Variants in CRPPA observed in about 807,000 individuals in gnomAD.
CRPPA encodes the protein D-ribitol-5-phosphate cytidylyltransferase.
In CRPPA, 43 loss-of-function variants were observed where a neutral mutation model predicts 52.0. That is an observed-to-expected ratio of 0.83 (90% CI 0.65 to 1.07). The LOEUF (loss-of-function observed/expected upper bound fraction) is 1.07. CRPPA is among the 50% of genes least tolerant of loss of function. CRPPA has a pLI of 0.00. For synonymous variants in CRPPA, 250 were observed against 203.5 expected, an observed-to-expected ratio of 1.23 and a Z score of -1.94; for missense variants, 629 against 551.7, an observed-to-expected ratio of 1.14 and a Z score of -1.40.
intron 3 of CRPPA, among the ~76,000 whole-genome samples, chr7:16,326,302 G>A (rs1583521071): frequency 6.6e-6 from 1 of 152,054 alleles, no homozygotes; most frequent in Admixed American, 6.5e-5. Flanking sequence ...ACAAAGACAG[G>A]GGAAAAAATA....
intron 2 of CRPPA, among the ~76,000 whole-genome samples, chr7:16,393,379 G>C (rs1240766675): frequency 3.9e-5 from 6 of 152,086 alleles, no homozygotes; most frequent in Non-Finnish European, 7.4e-5. Context: ...TAGTGACTAA[G>C]ACAGGGTACG....
chr7:16,215,267 G>A (rs938254380), intron 9 of CRPPA, among the ~76,000 whole-genome samples: 3 of 152,132 alleles, frequency 2.0e-5, no homozygotes, highest in African/African-American at 7.2e-5. Flanking sequence ...CGTTCAACTT[G>A]CTAGACTCTT....
At chr7:16,257,180 T>A (rs62440449) in intron 8 of CRPPA, among the ~76,000 whole-genome samples, 64,912 of 151,956 alleles carry the variant, frequency 0.43, 14,346 homozygotes, top group Admixed American at 0.55. Context: ...ATTAAGTAAC[T>A]AGACCAAGAA....
At chr7:16,215,763 A>G (rs1782287314) in intron 9 of CRPPA, among the ~76,000 whole-genome samples, 1 of 152,238 alleles carries the variant, frequency 6.6e-6, no homozygotes, top group Non-Finnish European at 1.5e-5. Flanking sequence ...AAAGTATTAT[A>G]TATTTGAAAT....
intron 8 of CRPPA, among the ~76,000 whole-genome samples, chr7:16,247,429 A>G (rs1256478006): frequency 6.6e-6 from 1 of 152,218 alleles, no homozygotes; most frequent in Non-Finnish European, 1.5e-5. Context: ...AGATGAGGAA[A>G]ACAGTCAAAA....
rs747967711 is a variant in CRPPA, at chr7:16,216,083, G to C, written c.1234C>G (p.Leu412Val). ...KERNILLYGLLISYPQDDQKL... is the reference protein window; with the variant it reads ...KERNILLYGLVISYPQDDQKL... Reference sequence around the variant, plus strand: ...TTACCTACCTGTGGGTAAGATATGAGAAGCCCATATAACAAAATATTTCTT... The same window carrying C: ...TTACCTACCTGTGGGTAAGATATGACAAGCCCATATAACAAAATATTTCTT... Residue 412 changes from leucine to valine, a missense_variant, in exon 9 of 10, where the codon CTC becomes GTC. Transcript: ENST00000407010. The C allele has an allele frequency of 1.3e-5, 21 of 1,595,084 alleles. No homozygotes were observed. In the Admixed American group the frequency reaches 3.7e-4, roughly 28 times the overall value.
At chr7:16,381,903 T>C (rs1787101279) in intron 2 of CRPPA, among the ~76,000 whole-genome samples, 1 of 152,110 alleles carries the variant, frequency 6.6e-6, no homozygotes, top group African/African-American at 2.4e-5. Context: ...ATGAGATGGG[T>C]TTCCTGAATA....
chr7:16,300,707 C>T (rs1170683789), intron 5 of CRPPA, among the ~76,000 whole-genome samples: 1 of 152,124 alleles, frequency 6.6e-6, no homozygotes, highest in East Asian at 1.9e-4. Flanking sequence ...TAGAATTTTC[C>T]AGACTAAAAT....
intron 5 of CRPPA, among the ~76,000 whole-genome samples, chr7:16,286,083 T>TAAA (rs1784437820): frequency 1.4e-4 from 2 of 13,908 alleles, no homozygotes; most frequent in Non-Finnish European, 2.6e-4. Flanking sequence ...ATATATATAA[T>TAAA]ATTTAAAAAA....
intron 4 of CRPPA, among the ~76,000 whole-genome samples, chr7:16,306,727 G>A (rs968449505): frequency 1.3e-5 from 2 of 152,104 alleles, no homozygotes. Flanking sequence ...TGTGGGTCAG[G>A]ACCTTTAATG....
At chr7:16,334,729 C>G (rs1381622104) in intron 3 of CRPPA, among the ~76,000 whole-genome samples, 1 of 152,130 alleles carries the variant, frequency 6.6e-6, no homozygotes, top group Non-Finnish European at 1.5e-5. Context: ...ACTATTTAAC[C>G]TCAGAGCACA....
chr7:16,399,718 A>G (rs1309021842), intron 2 of CRPPA, among the ~76,000 whole-genome samples: 1 of 151,946 alleles, frequency 6.6e-6, no homozygotes. Flanking sequence ...CATGACTGAC[A>G]TGACTGACAT....
intron 3 of CRPPA, among the ~76,000 whole-genome samples, chr7:16,309,384 C>T (rs1451013296): frequency 6.6e-6 from 1 of 152,050 alleles, no homozygotes; most frequent in Non-Finnish European, 1.5e-5. Flanking sequence ...TGGCATCTAA[C>T]AAGCAGTTTG....
chr7:16,415,406 A>G (rs1348617351), intron 1 of CRPPA, among the ~76,000 whole-genome samples: 2 of 152,198 alleles, frequency 1.3e-5, no homozygotes, highest in African/African-American at 2.4e-5. Flanking sequence ...CCCCACTGCC[A>G]TAGAGTACCG....
chr7:16,178,858 C>T (rs1781355536), intron 9 of CRPPA, among the ~76,000 whole-genome samples: 1 of 152,046 alleles, frequency 6.6e-6, no homozygotes, highest in Non-Finnish European at 1.5e-5. Context: ...TTATTATGTT[C>T]CTATCCCTGT....
intron 2 of CRPPA, among the ~76,000 whole-genome samples, chr7:16,390,559 C>T (rs1318110520): frequency 6.6e-6 from 1 of 152,126 alleles, no homozygotes; most frequent in Non-Finnish European, 1.5e-5. Flanking sequence ...TCTCATCTTC[C>T]CAAACTAACT....
At chr7:16,366,785 G>T (rs1400377801) in intron 3 of CRPPA, among the ~76,000 whole-genome samples, 2 of 147,670 alleles carry the variant, frequency 1.4e-5, no homozygotes, top group Non-Finnish European at 3.0e-5. Flanking sequence ...AAAGGCAAGA[G>T]GGAGAAAAAT....
intron 8 of CRPPA, among the ~76,000 whole-genome samples, chr7:16,222,423 A>G (rs529121549): frequency 1.8e-3 from 269 of 151,058 alleles, no homozygotes; most frequent in African/African-American, 6.1e-3. Context: ...GTGCACATGT[A>G]CCCTAAAACT....
At chr7:16,206,641 C>A (rs1255530379) in intron 9 of CRPPA, among the ~76,000 whole-genome samples, 2 of 151,948 alleles carry the variant, frequency 1.3e-5, no homozygotes, top group African/African-American at 2.4e-5. Context: ...GTGGCAAATT[C>A]TCTGTGGTAC....
Sources: gnomAD v4.1 joint callset for allele counts (sites outside exome capture counted in the v4.1 genomes callset) on GRCh38, gnomAD v4.1.1 for gene constraint, MANE v1.5 for transcripts, NCBI Gene and HGNC (gene_info 2026-07-23, HGNC 2026-07-21) for gene names.